Variants in GRIK4 observed in about 807,000 individuals in gnomAD.
GRIK4 encodes the protein glutamate receptor ionotropic, kainate 4.
In GRIK4, 40 loss-of-function variants were observed where a neutral mutation model predicts 104.9. The observed-to-expected ratio is 0.38, with a 90% CI of 0.30 to 0.50. The LOEUF (loss-of-function observed/expected upper bound fraction) is 0.50. Ranked by LOEUF, GRIK4 falls within the 20% of genes least tolerant of loss-of-function variation. The pLI is 0.93. For missense variants in GRIK4, 1,047 were observed against 1,308.1 expected, an observed-to-expected ratio of 0.80 and a Z score of 3.08; for synonymous variants, 485 against 524.9, an observed-to-expected ratio of 0.92 and a Z score of 1.04.
At position 120,874,214 on chromosome 11, in the gene GRIK4, G is replaced by T. The variant is rs151091579; in HGVS notation, c.1055G>T (p.Arg352Leu). ...GGCACCAGCCTCATGAACTACCTGC[G>T]CATGGTGAGGAGCGGCTGAGGCCCT... The part of the protein sequence containing the change: ...QHGTSLMNYL[R>L]MVELEGLTGH... The change falls in exon 10 of 21, where the codon CGC (arginine) becomes CTC (leucine). Residue 352 changes from arginine (R) to leucine (L), a missense_variant. By Grantham distance (102) the Arg-to-Leu change is moderately radical. Around this residue, in one of 3 missense-constraint regions of GRIK4, gnomAD observed 447 missense variants for 514.9 expected, o/e 0.87. Coordinates refer to ENST00000527524, the MANE Select transcript of GRIK4 (RefSeq NM_014619.5). 3 of 1,610,300 alleles carry T rather than the reference G, an allele frequency of 1.9e-6. No homozygotes were observed. Among genetic ancestry groups the T allele is most frequent in the East Asian group, 2.2e-5 (1 of 44,798 alleles).
intron 13 of GRIK4, among the ~76,000 whole-genome samples, chr11:120,926,341 A>C (rs1223049203): frequency 2.6e-5 from 4 of 152,262 alleles, no homozygotes; most frequent in African/African-American, 9.6e-5. Context: ...AAAAATAAAT[A>C]AAATTGAAGT....
intron 1 of GRIK4, among the ~76,000 whole-genome samples, chr11:120,516,886 C>A (rs1947733756): frequency 6.6e-6 from 1 of 152,006 alleles, no homozygotes; most frequent in Non-Finnish European, 1.5e-5. Flanking sequence ...TGAGGAGGAG[C>A]CTGGAGCCAT....
chr11:120,913,369 A>T (rs892366811), intron 13 of GRIK4, among the ~76,000 whole-genome samples: 1 of 151,928 alleles, frequency 6.6e-6, no homozygotes, highest in Non-Finnish European at 1.5e-5. Context: ...CTCCATCTGT[A>T]AAGTGACAGA....
intron 1 of GRIK4, among the ~76,000 whole-genome samples, chr11:120,592,369 C>T (rs1205260758): frequency 6.6e-6 from 1 of 152,196 alleles, no homozygotes; most frequent in East Asian, 1.9e-4. Context: ...CCTACGATGG[C>T]CTGGCACCCC....
rs960988694 is a variant in GRIK4 at position 120,855,090 on chromosome 11, A to G, written c.745-6869A>G. Among the ~76,000 whole-genome samples, 4 of 152,214 alleles carry G rather than the reference A, an allele frequency of 2.6e-5. No homozygotes were observed. The South Asian group carries it at 8.3e-4, about 32-fold the overall frequency. ...AGTGAGACAGTCTATTCTACCTTCC[A>G]GGAGTTCACAGGCCAGCGGGGAAGC... On this transcript the variant is annotated intron_variant, in intron 8 of 20. Transcript: ENST00000527524.
chr11:120,930,932 T>C (rs1281981173), intron 13 of GRIK4, among the ~76,000 whole-genome samples: 1 of 152,126 alleles, frequency 6.6e-6, no homozygotes, highest in Non-Finnish European at 1.5e-5. Context: ...AATAATTTCT[T>C]AGGGAGGACA....
At chr11:120,784,653 T>C (rs747676188) in intron 3 of GRIK4, among the ~76,000 whole-genome samples, 2 of 152,076 alleles carry the variant, frequency 1.3e-5, no homozygotes, top group South Asian at 2.1e-4. Flanking sequence ...ATGATGGAGA[T>C]TGACAGATGG....
intron 1 of GRIK4, among the ~76,000 whole-genome samples, chr11:120,603,214 G>A (rs971332015): frequency 6.6e-6 from 1 of 152,204 alleles, no homozygotes; most frequent in African/African-American, 2.4e-5. Context: ...CCTGTGGGTA[G>A]GGCAGGCATT....
rs114883673 is a variant in GRIK4 at position 120,603,848 on chromosome 11, A to C, written c.-158-49837A>C. Reference sequence around the variant, plus strand: ...TGGGGGAAGCTGCTAACATCCTACAATGCATAGGGCAGCCCTGCCACAAAG... The same window carrying C: ...TGGGGGAAGCTGCTAACATCCTACACTGCATAGGGCAGCCCTGCCACAAAG... On this transcript the variant is annotated intron_variant, in intron 1 of 20. Coordinates refer to ENST00000527524, the MANE Select transcript of GRIK4 (RefSeq NM_014619.5). 4.2e-3 allele frequency among the ~76,000 whole-genome samples: 641 copies of C among 152,120 alleles called. 2 individuals carry two copies. The highest frequency in any genetic ancestry group is 0.015 in the African/African-American group (604 of 41,522).
chr11:120,543,081 G>A (rs556612389), intron 1 of GRIK4, among the ~76,000 whole-genome samples: 7 of 152,336 alleles, frequency 4.6e-5, no homozygotes, highest in African/African-American at 1.4e-4. Flanking sequence ...GTACACTGTT[G>A]GTGGGAATGT....
intron 8 of GRIK4, chr11:120,859,501 A>C (rs1954204014): frequency 6.6e-6 from 1 of 152,272 alleles, no homozygotes; most frequent in South Asian, 2.1e-4. Context: ...GCCTTCATCC[A>C]TCGGGCTCTG....
At chr11:120,751,941 G>A (rs151202855) in intron 3 of GRIK4, among the ~76,000 whole-genome samples, 17 of 152,260 alleles carry the variant, frequency 1.1e-4, no homozygotes, top group African/African-American at 2.9e-4. Context: ...ACCAGCTTGC[G>A]GCTGGGGGGT....
At chr11:120,583,665 C>CT (rs1184215055) in intron 1 of GRIK4, among the ~76,000 whole-genome samples, 1 of 152,124 alleles carries the variant, frequency 6.6e-6, no homozygotes, top group Non-Finnish European at 1.5e-5. Context: ...CAGCTTTGTT[C>CT]TTTTTGCTTA....
intron 3 of GRIK4, among the ~76,000 whole-genome samples, chr11:120,689,171 G>C (rs1437970980): frequency 6.6e-6 from 1 of 152,110 alleles, no homozygotes; most frequent in African/African-American, 2.4e-5. Flanking sequence ...GAATAGTGCT[G>C]CTACAATATT....
At chr11:120,618,203 A>G (rs1175715945) in intron 1 of GRIK4, among the ~76,000 whole-genome samples, 2 of 152,194 alleles carry the variant, frequency 1.3e-5, no homozygotes, top group Non-Finnish European at 2.9e-5. Flanking sequence ...CTGGCTTCCT[A>G]GTGTCCCTGT....
chr11:120,677,098 TG>T (rs1474459659), intron 3 of GRIK4, among the ~76,000 whole-genome samples: 2 of 152,204 alleles, frequency 1.3e-5, no homozygotes, highest in African/African-American at 4.8e-5. Flanking sequence ...GAACTGGACA[TG>T]TTGGCTCTTC....
intron 3 of GRIK4, among the ~76,000 whole-genome samples, chr11:120,741,965 CAG>C (rs1453424498): frequency 2.6e-5 from 4 of 152,238 alleles, no homozygotes; most frequent in African/African-American, 9.6e-5. Context: ...TATGGGGACA[CAG>C]AGGAACAAAT....
intron 14 of GRIK4, among the ~76,000 whole-genome samples, chr11:120,943,389 G>A (rs1193908040): frequency 6.6e-6 from 1 of 152,130 alleles, no homozygotes; most frequent in African/African-American, 2.4e-5. Context: ...AGTCAGCTGA[G>A]GGGAGAACAA....
At chr11:120,882,382 GT>G (rs995611094) in intron 11 of GRIK4, among the ~76,000 whole-genome samples, 10 of 152,236 alleles carry the variant, frequency 6.6e-5, no homozygotes, top group African/African-American at 2.4e-4. Flanking sequence ...CTGGAGCCAG[GT>G]TTGATTGCTG....
Sources: allele counts gnomAD v4.1 joint callset (sites outside exome capture counted in the v4.1 genomes callset), GRCh38; gene constraint gnomAD v4.1.1; regional missense constraint gnomAD v4.1.1; transcripts MANE v1.5; gene names NCBI Gene and HGNC (gene_info 2026-07-23, HGNC 2026-07-21).